The following PCDH15 variants were observed in gnomAD, a reference collection of about 807,000 sequenced individuals.
PCDH15 encodes the protein protocadherin related 15, also known as protocadherin-15.
A neutral mutation model predicts 178.5 loss-of-function variants in PCDH15; 129 were observed. That is an observed-to-expected ratio of 0.72 (90% CI 0.63 to 0.84). The LOEUF (loss-of-function observed/expected upper bound fraction) is 0.84. Among genes scored for constraint, PCDH15 ranks in the 40% least tolerant of loss-of-function variants. PCDH15 has a pLI of 0.00. For synonymous variants in PCDH15, 800 were observed against 732.0 expected, an observed-to-expected ratio of 1.09 and a Z score of -1.50; for missense variants, 2,230 against 2,099.9, an observed-to-expected ratio of 1.06 and a Z score of -1.21.
intron 18 of PCDH15, among the ~76,000 whole-genome samples, chr10:54,050,596 G>A (rs573636121): frequency 2.6e-4 from 39 of 152,012 alleles, no homozygotes; most frequent in African/African-American, 9.2e-4. Flanking sequence ...GTTCTCTTTT[G>A]CTAGACATAA....
intron 2 of PCDH15, among the ~76,000 whole-genome samples, chr10:55,334,256 G>T: frequency 8.6e-6 from 1 of 116,242 alleles, no homozygotes; most frequent in African/African-American, 4.7e-5. Context: ...GTGTGTGTGT[G>T]TGTGTGTGTG....
intron 2 of PCDH15, among the ~76,000 whole-genome samples, chr10:55,421,659 C>T (rs1838624864): frequency 6.6e-6 from 1 of 151,008 alleles, no homozygotes; most frequent in South Asian, 2.1e-4. Flanking sequence ...TAACATATTC[C>T]AAATTAATTA....
At chr10:55,250,208 A>G (rs1003696523) in intron 1 of PCDH15, among the ~76,000 whole-genome samples, 1 of 152,014 alleles carries the variant, frequency 6.6e-6, no homozygotes, top group East Asian at 1.9e-4. Context: ...CAGTGGTGCA[A>G]TCACAGCTCA....
intron 15 of PCDH15, among the ~76,000 whole-genome samples, chr10:54,123,909 C>T (rs1252290558): frequency 1.3e-5 from 2 of 152,096 alleles, no homozygotes; most frequent in African/African-American, 4.8e-5. Context: ...AATAGAACAA[C>T]AAATATTACA....
intron 12 of PCDH15, among the ~76,000 whole-genome samples, chr10:54,184,431 C>T (rs1024926981): frequency 2.0e-5 from 3 of 151,762 alleles, no homozygotes; most frequent in African/African-American, 2.4e-5. Flanking sequence ...TTGTTATTTA[C>T]GTGTTTGTGT....
At chr10:54,151,765 CTT>C (rs2044561374) in intron 14 of PCDH15, among the ~76,000 whole-genome samples, 3 of 152,034 alleles carry the variant, frequency 2.0e-5, no homozygotes. Context: ...ATATAAATCT[CTT>C]GTGTTCCTAA....
intron 2 of PCDH15, among the ~76,000 whole-genome samples, chr10:54,653,245 C>T (rs931668804): frequency 6.6e-6 from 1 of 152,136 alleles, no homozygotes. Context: ...AGAGTATCCA[C>T]GTGACCATTA....
chr10:54,078,011 C>T (rs569735917), intron 17 of PCDH15, among the ~76,000 whole-genome samples: 3 of 152,128 alleles, frequency 2.0e-5, no homozygotes, highest in East Asian at 1.9e-4. Context: ...TGCAGTGAGC[C>T]GAGATGTTTC....
intron 1 of PCDH15, among the ~76,000 whole-genome samples, chr10:55,233,516 T>C (rs183667934): frequency 4.6e-5 from 7 of 152,196 alleles, no homozygotes; most frequent in African/African-American, 1.7e-4. Flanking sequence ...TGCATAGACA[T>C]GTGTCATAAG....
At chr10:55,172,686 A>G (rs983666242) in intron 1 of PCDH15, among the ~76,000 whole-genome samples, 1 of 152,078 alleles carries the variant, frequency 6.6e-6, no homozygotes, top group Non-Finnish European at 1.5e-5. Context: ...CACACAGAAC[A>G]CACTATTCTT....
chr10:54,768,552 TAAG>T (rs1948757107), intron 1 of PCDH15, among the ~76,000 whole-genome samples: 1 of 152,020 alleles, frequency 6.6e-6, no homozygotes. Flanking sequence ...ATGAAATACT[TAAG>T]AAGTAAGCGA....
At chr10:55,157,281 T>C (rs1222182121) in intron 2 of PCDH15, among the ~76,000 whole-genome samples, 5 of 151,302 alleles carry the variant, frequency 3.3e-5, no homozygotes, top group South Asian at 2.1e-4. Flanking sequence ...GTTAGAATGG[T>C]GATCATTAAA....
chr10:54,907,916 C>A (rs1432654011), intron 2 of PCDH15, among the ~76,000 whole-genome samples: 1 of 152,206 alleles, frequency 6.6e-6, no homozygotes, highest in African/African-American at 2.4e-5. Context: ...AAGTCAAGAA[C>A]CCTGGCCCCT....
chr10:55,210,726 T>C (rs1420738848), intron 1 of PCDH15, among the ~76,000 whole-genome samples: 1 of 148,940 alleles, frequency 6.7e-6, no homozygotes, highest in Non-Finnish European at 1.5e-5. Context: ...CCTCCCGTGT[T>C]CAAGTGATTC....
chr10:55,120,012 G>A (rs1257590015), intron 2 of PCDH15, among the ~76,000 whole-genome samples: 1 of 151,884 alleles, frequency 6.6e-6, no homozygotes, highest in African/African-American at 2.4e-5. Context: ...CTGTTTTCAA[G>A]AAGAGTGAGT....
At chr10:54,334,123 T>C (rs1588882740) in intron 6 of PCDH15, among the ~76,000 whole-genome samples, 1 of 152,164 alleles carries the variant, frequency 6.6e-6, no homozygotes, top group Admixed American at 6.6e-5. Flanking sequence ...GGTTAAATGA[T>C]TTAATACCCA....
At chr10:54,074,316 A>G (rs1565189730) in intron 17 of PCDH15, among the ~76,000 whole-genome samples, 1 of 152,226 alleles carries the variant, frequency 6.6e-6, no homozygotes, top group Non-Finnish European at 1.5e-5. Flanking sequence ...GCAAAACAAA[A>G]GCTCTATAAC....
intron 1 of PCDH15, among the ~76,000 whole-genome samples, chr10:55,265,723 C>G (rs1309810009): frequency 2.0e-5 from 3 of 152,064 alleles, no homozygotes; most frequent in Non-Finnish European, 4.4e-5. Flanking sequence ...CACTGCCTTC[C>G]TGGAAAAGCT....
intron 1 of PCDH15, among the ~76,000 whole-genome samples, chr10:54,674,435 C>T (rs895049595): frequency 6.6e-6 from 1 of 152,022 alleles, no homozygotes; most frequent in Non-Finnish European, 1.5e-5. Context: ...TAGTCTAGAA[C>T]GTTTGCAGAA....
Sources: allele counts gnomAD v4.1 joint callset (sites outside exome capture counted in the v4.1 genomes callset), GRCh38; gene constraint gnomAD v4.1.1; transcripts MANE v1.5; gene names NCBI Gene and HGNC (gene_info 2026-07-23, HGNC 2026-07-21).